The following B3GALT4 variants were observed in gnomAD, a reference collection of about 807,000 sequenced individuals.
B3GALT4 encodes beta-1,3-galactosyltransferase 4.
Under a neutral mutation model 1.6 loss-of-function variants are expected in B3GALT4, and 1 was observed. That is an observed-to-expected ratio of 0.64 (90% confidence interval 0.23 to 3.05). The LOEUF (loss-of-function observed/expected upper bound fraction) is 3.05, where lower values mean the gene tolerates loss of function less well. Ranked by LOEUF, B3GALT4 falls within the 30% of genes most tolerant of loss-of-function variation. The pLI is 0.21. For synonymous variants in B3GALT4, 259 were observed against 222.6 expected (o/e 1.16, Z -1.46); for missense variants, 441 against 486.9 (o/e 0.91, Z 0.89).
In B3GALT4 at chr6:33,277,211, G is replaced by C; in HGVS notation, c.-209G>C. 5 of 755,454 alleles carry C rather than the reference G, an allele frequency of 6.6e-6. No individual in the cohort carries two copies. Among genetic ancestry groups the C allele is most frequent in the Non-Finnish European group, 9.7e-6 (5 of 515,088 alleles). 46.8% of individuals were successfully genotyped at this position (755,454 alleles called of 1,614,324 possible). A position where few individuals can be genotyped will look rare whatever the true frequency, so the allele number is the denominator to read the frequency against. ...CGGAGCTTGCTGGCGGCGAGGCCGCGGCGACAAGGTAGCCACCCCCGCAGC... is the reference window on the plus strand; with the variant it reads ...CGGAGCTTGCTGGCGGCGAGGCCGCCGCGACAAGGTAGCCACCCCCGCAGC... On this transcript the variant is annotated 5_prime_UTR_variant, in exon 1 of 1. Coordinates refer to ENST00000451237, the MANE Select transcript of B3GALT4 (RefSeq NM_003782.4). This position sits in a 1 kb window ranked among gnomAD's most constrained non-coding sequence, Gnocchi z 5.3.
Position 33,277,272 on chromosome 6 carries a change from C to T in B3GALT4, c.-148C>T. ...CGCGGTCCGCAGCTGCACCGCCTCT[C>T]CCCGCCCCCCAGGGTGCGCTGGTCC... On this transcript the variant is annotated 5_prime_UTR_variant, in exon 1 of 1. Coordinates refer to ENST00000451237, the MANE Select transcript of B3GALT4 (RefSeq NM_003782.4). The surrounding 1 kb of genome is among the most constrained non-coding windows in gnomAD (Gnocchi z 5.3). 3.5e-6 allele frequency: 5 copies of T among 1,425,604 alleles called. No individual in the cohort carries two copies. Among genetic ancestry groups the T allele is most frequent in the Non-Finnish European group, 3.7e-6 (4 of 1,083,208 alleles). 88.3% of individuals were successfully genotyped at this position (1,425,604 alleles called of 1,614,324 possible).
Position 33,277,551 on chromosome 6 carries a change from C to G in B3GALT4, c.132C>G (p.Pro44=), listed in dbSNP as rs758376733. 6.2e-7 allele frequency: 1 copy of G among 1,612,078 alleles called. No individual in the cohort carries two copies. Among genetic ancestry groups the G allele is most frequent in the Non-Finnish European group, 8.5e-7 (1 of 1,179,396 alleles). ...SLSLASLLPA[P]ASPGPPLALP... ...CACTAGCCTCCCTGCTCCCAGCCCC[C>G]GCCTCACCGGGGCCGCCCCTGGCCC... The change falls in exon 1 of 1, where the codon CCC becomes CCG. Residue 44 remains proline, a synonymous_variant. Transcript: ENST00000451237. The surrounding 1 kb of genome is among the most constrained non-coding windows in gnomAD (Gnocchi z 5.3).
chr6:33,277,694 C>T lies in B3GALT4; in HGVS notation c.275C>T (p.Ala92Val). Residue 92 changes from alanine to valine, a missense_variant, in exon 1 of 1, where the codon GCT becomes GTT. Coordinates refer to ENST00000451237, the MANE Select transcript of B3GALT4 (RefSeq NM_003782.4). The surrounding 1 kb of genome is among the most constrained non-coding windows in gnomAD (Gnocchi z 5.3). ...ENLNQRNAIR[A>V]SWGGLREARG... Reference sequence around the variant, plus strand: ...CTGAACCAGAGAAACGCCATTCGGGCTTCGTGGGGCGGGCTGCGCGAGGCC... The same window carrying T: ...CTGAACCAGAGAAACGCCATTCGGGTTTCGTGGGGCGGGCTGCGCGAGGCC... The T allele has an allele frequency of 6.2e-7, 1 of 1,613,938 alleles. No individual in the cohort carries two copies. The highest frequency in any genetic ancestry group is 1.3e-5 in the African/African-American group (1 of 75,062).
In B3GALT4 at chr6:33,278,743, A is replaced by G; in HGVS notation, c.*187A>G. 2 of 1,096,460 alleles carry G rather than the reference A, an allele frequency of 1.8e-6. No individual in the cohort carries two copies. Among genetic ancestry groups the G allele is most frequent in the Non-Finnish European group, 2.4e-6 (2 of 825,028 alleles). 67.9% of individuals were successfully genotyped at this position (1,096,460 alleles called of 1,614,324 possible). A position where few individuals can be genotyped will look rare whatever the true frequency, so the allele number is the denominator to read the frequency against. ...CCAAAAGATGGTCATCGGGAAGAGA[A>G]AAAGAAAAAAATGCTGCAGTTGTTC... On this transcript the variant is annotated 3_prime_UTR_variant, in exon 1 of 1. Coordinates refer to ENST00000451237, the MANE Select transcript of B3GALT4 (RefSeq NM_003782.4). The surrounding 1 kb of genome is among the most constrained non-coding windows in gnomAD (Gnocchi z 5.2).
chr6:33,278,142 G>A lies in B3GALT4; in HGVS notation c.723G>A (p.Gly241=). Residue 241 remains glycine, a synonymous_variant, in exon 1 of 1, where the codon GGG becomes GGA. Transcript: ENST00000451237. This position sits in a 1 kb window ranked among gnomAD's most constrained non-coding sequence, Gnocchi z 5.2. The part of the protein sequence containing the change: ...HWRVNPSRTP[G]GRHRVSEEQW... ...GCGTGAACCCCTCTCGGACACCGGG[G>A]GGCAGGCACCGCGTATCAGAGGAGC... 6.2e-7 allele frequency: 1 copy of A among 1,613,620 alleles called. No individual in the cohort carries two copies. The highest frequency in any genetic ancestry group is 8.5e-7 in the Non-Finnish European group (1 of 1,179,990).
rs1236666007 is a variant in B3GALT4, at chr6:33,278,281, C to G, written c.862C>G (p.Pro288Ala). The G allele has an allele frequency of 6.2e-7, 1 of 1,613,766 alleles. No individual in the cohort carries two copies. Among genetic ancestry groups the G allele is most frequent in the African/African-American group, 1.3e-5 (1 of 74,916 alleles). ...LKVASRAPLLPLEDVFVGVSA... is the reference protein window; with the variant it reads ...LKVASRAPLLALEDVFVGVSA... ...GGTGGCCAGCCGGGCACCCCTTCTC[C>G]CATTAGAGGATGTCTTTGTGGGGGT... Residue 288 changes from proline to alanine, a missense_variant, in exon 1 of 1, where the codon CCA becomes GCA. Coordinates refer to ENST00000451237, the MANE Select transcript of B3GALT4 (RefSeq NM_003782.4). The surrounding 1 kb of genome is among the most constrained non-coding windows in gnomAD (Gnocchi z 5.2).
Position 33,277,994 on chromosome 6 carries a change from G to A in B3GALT4, c.575G>A (p.Arg192Gln). 3 of 1,614,150 alleles carry A rather than the reference G, an allele frequency of 1.9e-6. No individual in the cohort carries two copies. Among genetic ancestry groups the A allele is most frequent in the African/African-American group, 1.3e-5 (1 of 75,052 alleles). Residue 192 changes from arginine (R) to glutamine (Q), a missense_variant, in exon 1 of 1, where the codon CGA becomes CAA. Arg to Gln is a conservative substitution (Grantham distance 43). Transcript: ENST00000451237. The surrounding 1 kb of genome is among the most constrained non-coding windows in gnomAD (Gnocchi z 5.3). ...GAACTGGTATCAGAGCTGGTCTTGC[G>A]AGGGGGCCGTTGGGGGCAATGGGAG... Reference protein sequence around the residue: ...VPELVSELVLRGGRWGQWERS... With the variant: ...VPELVSELVLQGGRWGQWERS...
rs376513826 is a variant in B3GALT4, at chr6:33,278,153, G to A, written c.734G>A (p.Arg245His). 5.0e-6 allele frequency: 8 copies of A among 1,613,300 alleles called. No individual in the cohort carries two copies. The African/African-American group carries it at 5.3e-5, about 11-fold the overall frequency. ...NPSRTPGGRH[R>H]VSEEQWPHTW... ...TCTCGGACACCGGGGGGCAGGCACC[G>A]CGTATCAGAGGAGCAGTGGCCTCAC... The change falls in exon 1 of 1, where the codon CGC becomes CAC. Residue 245 changes from arginine (R) to histidine (H), a missense_variant. By Grantham distance (29) the Arg-to-His change is conservative. Coordinates refer to ENST00000451237, the MANE Select transcript of B3GALT4 (RefSeq NM_003782.4). This position sits in a 1 kb window ranked among gnomAD's most constrained non-coding sequence, Gnocchi z 5.2.
chr6:33,277,320 C>A lies in B3GALT4; in HGVS notation c.-100C>A, dbSNP rs1765714600. The A allele has an allele frequency of 1.3e-6, 2 of 1,498,106 alleles. No homozygotes were observed. Among genetic ancestry groups the A allele is most frequent in the Admixed American group, 2.3e-5 (1 of 43,824 alleles). The allele number at this position is 1,498,106 out of a possible 1,614,324, so 92.8% of individuals were successfully genotyped here. A position where few individuals can be genotyped will look rare whatever the true frequency, so the allele number is the denominator to read the frequency against. ...TCCCGGTCGCGCGCTCAGACCTCCG[C>A]ATCCCGGGCGTGGTCGGTTAAGTCC... On this transcript the variant is annotated 5_prime_UTR_variant, in exon 1 of 1. Transcript: ENST00000451237. The surrounding 1 kb of genome is among the most constrained non-coding windows in gnomAD (Gnocchi z 5.3).
At position 33,277,559 on chromosome 6, in the gene B3GALT4, C is replaced by A; in HGVS notation, c.140C>A (p.Pro47Gln). The A allele has an allele frequency of 6.2e-7, 1 of 1,611,696 alleles. No individual in the cohort carries two copies. The change falls in exon 1 of 1, where the codon CCG becomes CAG. Residue 47 changes from proline (P) to glutamine (Q), a missense_variant. Transcript: ENST00000451237. This position sits in a 1 kb window ranked among gnomAD's most constrained non-coding sequence, Gnocchi z 5.3. ...LASLLPAPAS[P>Q]GPPLALPRLL... is the part of the protein sequence containing the mutation. ...TCCCTGCTCCCAGCCCCCGCCTCAC[C>A]GGGGCCGCCCCTGGCCCTGCCCCGC...
chr6:33,277,693 G>C lies in B3GALT4; in HGVS notation c.274G>C (p.Ala92Pro). 1.2e-6 allele frequency: 2 copies of C among 1,613,954 alleles called. No individual in the cohort carries two copies. The highest frequency in any genetic ancestry group is 8.5e-7 in the Non-Finnish European group (1 of 1,180,018). ...ENLNQRNAIR[A>P]SWGGLREARG... ...CCTGAACCAGAGAAACGCCATTCGG[G>C]CTTCGTGGGGCGGGCTGCGCGAGGC... Residue 92 changes from alanine to proline, a missense_variant, in exon 1 of 1, where the codon GCT (alanine) becomes CCT (proline). Transcript: ENST00000451237. This position sits in a 1 kb window ranked among gnomAD's most constrained non-coding sequence, Gnocchi z 5.3.
chr6:33,278,020 A>G lies in B3GALT4; in HGVS notation c.601A>G (p.Arg201Gly). 6 of 1,614,042 alleles carry G rather than the reference A, an allele frequency of 3.7e-6. No individual in the cohort carries two copies. The highest frequency in any genetic ancestry group is 5.1e-6 in the Non-Finnish European group (6 of 1,179,962). The change falls in exon 1 of 1, where the codon AGA becomes GGA. Residue 201 changes from arginine to glycine, a missense_variant. Transcript: ENST00000451237. This position sits in a 1 kb window ranked among gnomAD's most constrained non-coding sequence, Gnocchi z 5.2. ...AGGGGGCCGTTGGGGGCAATGGGAG[A>G]GAAGCACGGAACCCCAGAGAGAGGC... ...LRGGRWGQWE[R>G]STEPQREAEQ...
rs774946586 is a variant in B3GALT4, at chr6:33,277,408, G to A, written c.-12G>A. On this transcript the variant is annotated 5_prime_UTR_variant, in exon 1 of 1. Transcript: ENST00000451237. This position sits in a 1 kb window ranked among gnomAD's most constrained non-coding sequence, Gnocchi z 5.3. ...CTTCGCTCTTACGGATCCCCTCGGAGTACGCCGCACCATGCAGCTCAGGCT... is the reference window on the plus strand; with the variant it reads ...CTTCGCTCTTACGGATCCCCTCGGAATACGCCGCACCATGCAGCTCAGGCT... 59 of 1,608,424 alleles carry A rather than the reference G, an allele frequency of 3.7e-5. 1 individual carries two copies. In the South Asian group the frequency reaches 6.1e-4, roughly 17 times the overall value.
chr6:33,278,492 G>C lies in B3GALT4; in HGVS notation c.1073G>C (p.Cys358Ser). ...GSDGERTAPFCSWFQGVLGIL... is the reference protein window; with the variant it reads ...GSDGERTAPFSSWFQGVLGIL... The stretch of plus-strand genomic sequence containing the variant: ...GACGGGGAAAGGACTGCGCCCTTTT[G>C]CTCCTGGTTCCAGGGAGTCCTGGGC... The change falls in exon 1 of 1, where the codon TGC (cysteine) becomes TCC (serine). Residue 358 changes from cysteine (C) to serine (S), a missense_variant. Physicochemically the swap from Cys to Ser is moderately radical, Grantham distance 112. Transcript: ENST00000451237. This position sits in a 1 kb window ranked among gnomAD's most constrained non-coding sequence, Gnocchi z 5.2. The C allele has an allele frequency of 6.3e-7, 1 of 1,588,970 alleles. No homozygotes were observed.
chr6:33,277,317 C>A lies in B3GALT4; in HGVS notation c.-103C>A, dbSNP rs1334536816. The A allele has an allele frequency of 2.0e-6, 3 of 1,497,804 alleles. No homozygotes were observed. 92.8% of individuals were successfully genotyped at this position (1,497,804 alleles called of 1,614,324 possible). A position where few individuals can be genotyped will look rare whatever the true frequency, so the allele number is the denominator to read the frequency against. On this transcript the variant is annotated 5_prime_UTR_variant, in exon 1 of 1. Transcript: ENST00000451237. The surrounding 1 kb of genome is among the most constrained non-coding windows in gnomAD (Gnocchi z 5.3). ...TGGTCCCGGTCGCGCGCTCAGACCT[C>A]CGCATCCCGGGCGTGGTCGGTTAAG...
chr6:33,277,704 C>T lies in B3GALT4; in HGVS notation c.285C>T (p.Gly95=), dbSNP rs1249643026. 6.2e-7 allele frequency: 1 copy of T among 1,613,756 alleles called. No individual in the cohort carries two copies. Among genetic ancestry groups the T allele is most frequent in the African/African-American group, 1.3e-5 (1 of 74,922 alleles). Residue 95 remains glycine, a synonymous_variant, in exon 1 of 1, where the codon GGC becomes GGT. Transcript: ENST00000451237. The surrounding 1 kb of genome is among the most constrained non-coding windows in gnomAD (Gnocchi z 5.3). ...NQRNAIRASW[G]GLREARGLRV... ...GAAACGCCATTCGGGCTTCGTGGGG[C>T]GGGCTGCGCGAGGCCCGGGGGCTCA... is the stretch of plus-strand genomic sequence containing the variant.
Position 33,278,480 on chromosome 6 carries a change from C to CTGCG in B3GALT4, c.1062_1065dup (p.Pro356CysfsTer65). On this transcript the variant is annotated frameshift_variant, in exon 1 of 1. Transcript: ENST00000451237. LOFTEE classifies it high-confidence loss of function. This position sits in a 1 kb window ranked among gnomAD's most constrained non-coding sequence, Gnocchi z 5.2. ...GTGGGTGGCTCTGACGGGGAAAGGA[C>CTGCG]TGCGCCCTTTTGCTCCTGGTTCCAG... 6.2e-7 allele frequency: 1 copy of CTGCG among 1,601,348 alleles called. No homozygotes were observed. The highest frequency in any genetic ancestry group is 8.5e-7 in the Non-Finnish European group (1 of 1,172,736).
chr6:33,278,536 A>G lies in B3GALT4; in HGVS notation c.1117A>G (p.Ile373Val). The G allele has an allele frequency of 2.0e-6, 3 of 1,536,622 alleles. No homozygotes were observed. In the South Asian group the frequency reaches 3.8e-5, roughly 19 times the overall value. ...GVLGILRCRA[I>V]AWLQS is the part of the protein sequence containing the mutation. ...CCTGGGCATCCTGCGGTGTCGAGCA[A>G]TAGCCTGGCTTCAGAGCTGAGAGTG... The change falls in exon 1 of 1, where the codon ATA becomes GTA. Residue 373 changes from isoleucine to valine, a missense_variant. By Grantham distance (29) the Ile-to-Val change is conservative (BLOSUM62 3). Transcript: ENST00000451237. The surrounding 1 kb of genome is among the most constrained non-coding windows in gnomAD (Gnocchi z 5.2).
Position 33,278,208 on chromosome 6 carries a change from A to C in B3GALT4, c.789A>C (p.Ser263=). The C allele has an allele frequency of 1.9e-6, 3 of 1,612,324 alleles. No homozygotes were observed. The highest frequency in any genetic ancestry group is 2.5e-6 in the Non-Finnish European group (3 of 1,180,000). The change falls in exon 1 of 1, where the codon TCA becomes TCC. Residue 263 remains serine (S), a synonymous_variant. Transcript: ENST00000451237. The surrounding 1 kb of genome is among the most constrained non-coding windows in gnomAD (Gnocchi z 5.2). ...GGGGCCCCTTTCCACCCTATGCCTC[A>C]GGCACGGGGTATGTGCTGTCAGCGT... ...HTWGPFPPYA[S]GTGYVLSASA...
Sources: gnomAD v4.1 joint callset for allele counts on GRCh38, gnomAD v4.1.1 for gene constraint, Gnocchi (gnomAD v3.1) non-coding constraint, MANE v1.5 for transcripts, NCBI Gene and HGNC (gene_info 2026-07-23, HGNC 2026-07-21) for gene names.